CHLSN: variants seen among roughly 807,000 people sequenced by gnomAD.
CHLSN encodes the protein protein cholesin.
chr7:1,092,039 C>T, the CHLSN span: 23 of 1,613,832 alleles, frequency 1.4e-5, no homozygotes, highest in Non-Finnish European at 1.9e-5. Flanking sequence ...CTGGCGGTGG[C>T]GGACCTCATC....
the CHLSN span, among the ~76,000 whole-genome samples, chr7:1,000,790 C>T: frequency 6.6e-6 from 1 of 152,230 alleles, no homozygotes; most frequent in Non-Finnish European, 1.5e-5. Flanking sequence ...TTACCTTGGC[C>T]ACCCCGGGGC....
the CHLSN span, among the ~76,000 whole-genome samples, chr7:1,038,911 G>A: frequency 4.5e-5 from 3 of 66,786 alleles, no homozygotes; most frequent in Non-Finnish European, 9.5e-5. Context: ...CCGGCCAGCC[G>A]CCCCGTCTGG....
the CHLSN span, among the ~76,000 whole-genome samples, chr7:1,018,387 C>T: frequency 3.9e-5 from 6 of 152,258 alleles, no homozygotes; most frequent in South Asian, 2.1e-4. Flanking sequence ...ACTCAAAGTC[C>T]GCCTGGCTCC....
the CHLSN span, among the ~76,000 whole-genome samples, chr7:1,047,036 T>G: frequency 6.6e-6 from 1 of 152,234 alleles, no homozygotes; most frequent in Non-Finnish European, 1.5e-5. Context: ...GCCATGTCTT[T>G]GAATTTCTGA....
the CHLSN span, among the ~76,000 whole-genome samples, chr7:1,060,916 G>C: frequency 3.3e-5 from 5 of 152,090 alleles, no homozygotes; most frequent in Admixed American, 6.5e-5. Flanking sequence ...CTGCCCAGCG[G>C]CTGGCGCCGT....
At chr7:1,137,995 GGGACGCACC>G in the CHLSN span, 1 of 90,902 alleles carries the variant, frequency 1.1e-5, no homozygotes, top group Non-Finnish European at 2.1e-5. Flanking sequence ...AGCCCGCGCC[GGGACGCACC>G]GGCCGCACCG....
the CHLSN span, among the ~76,000 whole-genome samples, chr7:1,021,997 C>T: frequency 2.0e-5 from 3 of 152,278 alleles, no homozygotes; most frequent in East Asian, 5.8e-4. Context: ...CTCGGCACAC[C>T]CAGGTGACAG....
chr7:1,121,380 A>G, the CHLSN span, among the ~76,000 whole-genome samples: 1 of 152,236 alleles, frequency 6.6e-6, no homozygotes, highest in Non-Finnish European at 1.5e-5. Flanking sequence ...CAAGAGTTCA[A>G]TGACACACAA....
the CHLSN span, among the ~76,000 whole-genome samples, chr7:1,103,939 C>T: frequency 2.0e-5 from 3 of 152,328 alleles, no homozygotes; most frequent in South Asian, 2.1e-4. Context: ...GCCTGAACGG[C>T]CCACAGCAGC....
At chr7:1,016,650 AGCACACAGCAGCG>A in the CHLSN span, among the ~76,000 whole-genome samples, 1 of 91,112 alleles carries the variant, frequency 1.1e-5, no homozygotes. Flanking sequence ...AGCGCACAGC[AGCACACAGCAGCG>A]CACAGCAGCA....
the CHLSN span, among the ~76,000 whole-genome samples, chr7:998,643 G>T: frequency 1.3e-5 from 2 of 151,812 alleles, no homozygotes; most frequent in African/African-American, 2.4e-5. Context: ...CGGGGTTTTT[G>T]CCATGTTGGC....
chr7:987,181 G>A, the CHLSN span: 18 of 1,562,312 alleles, frequency 1.2e-5, no homozygotes, highest in East Asian at 4.8e-5. Context: ...TGGCCGGGAC[G>A]GAGACGACCT....
the CHLSN span, among the ~76,000 whole-genome samples, chr7:1,130,925 C>T: frequency 6.6e-6 from 1 of 152,198 alleles, no homozygotes; most frequent in Non-Finnish European, 1.5e-5. Flanking sequence ...TAGTGGCTCA[C>T]GCCTGTCATC....
the CHLSN span, among the ~76,000 whole-genome samples, chr7:1,042,350 C>G: frequency 6.6e-6 from 1 of 152,232 alleles, no homozygotes; most frequent in Non-Finnish European, 1.5e-5. Context: ...CAACACTAGA[C>G]TAGGGTGCAA....
At chr7:1,010,057 C>G in the CHLSN span, 2 of 1,612,334 alleles carry the variant, frequency 1.2e-6, no homozygotes, top group East Asian at 2.2e-5. Context: ...TCTTCCGTTC[C>G]TTTTTCAGCT....
chr7:984,254 C>T, the CHLSN span, among the ~76,000 whole-genome samples: 4 of 152,240 alleles, frequency 2.6e-5, no homozygotes, highest in Admixed American at 6.5e-5. Context: ...CCCCCTCCAC[C>T]CTGCACCACT....
chr7:1,017,726 G>A, the CHLSN span, among the ~76,000 whole-genome samples: 5 of 151,890 alleles, frequency 3.3e-5, no homozygotes, highest in East Asian at 1.9e-4. Flanking sequence ...AGCCGCGGAC[G>A]GCGGGATAAG....
At chr7:1,092,105 T>A in the CHLSN span, 7 of 1,613,814 alleles carry the variant, frequency 4.3e-6, no homozygotes, top group Non-Finnish European at 5.9e-6. Flanking sequence ...TACTACGACA[T>A]CGCCGTCCTG....
the CHLSN span, chr7:1,093,380 C>T: frequency 1.7e-4 from 76 of 439,222 alleles, no homozygotes; most frequent in African/African-American, 1.0e-3. Context: ...AGCGCACCGC[C>T]GAGTTAAAGA....
Sources: allele counts gnomAD v4.1 joint callset (sites outside exome capture counted in the v4.1 genomes callset), GRCh38; gene constraint gnomAD v4.1.1; transcripts MANE v1.5; gene names NCBI Gene and HGNC (gene_info 2026-07-23, HGNC 2026-07-21).